The following DCC variants were observed in gnomAD, a reference collection of about 807,000 sequenced individuals.
The protein encoded by DCC is DCC netrin 1 receptor, also known as netrin receptor DCC.
A neutral mutation model predicts 172.5 loss-of-function variants in DCC; 58 were observed. That is an observed-to-expected ratio of 0.34 (90% CI 0.27 to 0.42). The LOEUF is 0.42. Among genes scored for constraint, DCC ranks in the 10% least tolerant of loss-of-function variants. The pLI is 1.00. For synonymous variants in DCC, 709 were observed against 644.5 expected, an observed-to-expected ratio of 1.10 and a Z score of -1.52; for missense variants, 1,740 against 1,791.0, an observed-to-expected ratio of 0.97 and a Z score of 0.51.
chr18:53,530,388 T>C (rs1403774477), intron 28 of DCC, 176 bp from the exon 29 acceptor site: 1 of 705,860 alleles, frequency 1.4e-6, no homozygotes, highest in Non-Finnish European at 2.6e-6. Context: ...TCTCTTATTA[T>C]CCCCTTTTAT....
At position 53,526,628 on chromosome 18, in the gene DCC, C is replaced by G; in HGVS notation, c.4123C>G (p.Pro1375Ala). Reference protein sequence around the residue: ...PLLSQPGPTLPKTHVKTASLG... With the variant: ...PLLSQPGPTLAKTHVKTASLG... ...GTTTTCTATTTCAGGGCCCACTCTT[C>G]CTAAGACCCATGTGAAAACAGCCTC... The change falls in exon 28 of 29, where the codon CCT becomes GCT. Residue 1375 changes from proline to alanine, a missense_variant. By Grantham distance (27) the Pro-to-Ala change is conservative. This residue lies in a region of DCC where 1,732 missense variants were observed against 1,767.4 expected (regional missense o/e 0.98). Transcript: ENST00000442544. 1 of 1,613,504 alleles carries G rather than the reference C, an allele frequency of 6.2e-7. No individual in the cohort carries two copies. Among genetic ancestry groups the G allele is most frequent in the African/African-American group, 1.3e-5 (1 of 75,000 alleles).
intron 1 of DCC, among the ~76,000 whole-genome samples, chr18:52,715,295 C>CTTTTTTTTTT (rs10658253): frequency 6.9e-6 from 1 of 144,784 alleles, no homozygotes; most frequent in Non-Finnish European, 1.5e-5. Context: ...TTTTTCTTTT[C>CTTTTTTTTTT]TTTTTTTTTT....
intron 1 of DCC, among the ~76,000 whole-genome samples, chr18:52,490,221 A>T (rs1334778783): frequency 6.6e-6 from 1 of 152,122 alleles, no homozygotes; most frequent in East Asian, 1.9e-4. Flanking sequence ...AGGAGCTTTT[A>T]ACAAGGTAGG....
chr18:52,687,598 A>T (rs1244436117), intron 1 of DCC, among the ~76,000 whole-genome samples: 1 of 152,040 alleles, frequency 6.6e-6, no homozygotes, highest in Admixed American at 6.6e-5. Context: ...ATACTTTTGC[A>T]AATAAATGTA....
chr18:52,943,249 T>A lies in DCC; in HGVS notation c.985+17879T>A, dbSNP rs554134805. Among the ~76,000 whole-genome samples, 5 of 152,354 alleles carry A rather than the reference T, an allele frequency of 3.3e-5. No homozygotes were observed. In the East Asian group the frequency reaches 7.7e-4, roughly 23 times the overall value. On this transcript the variant is annotated intron_variant, in intron 5 of 28. Coordinates refer to ENST00000442544, the MANE Select transcript of DCC (RefSeq NM_005215.4). ...ATAGAGAATTTAGAATGCCATTATTTCTGCTGCCTCTTTCTCCTTTGGATT... is the reference window on the plus strand; with the variant it reads ...ATAGAGAATTTAGAATGCCATTATTACTGCTGCCTCTTTCTCCTTTGGATT...
At chr18:53,287,880 C>G (rs1273721730) in intron 12 of DCC, among the ~76,000 whole-genome samples, 2 of 152,082 alleles carry the variant, frequency 1.3e-5, no homozygotes, top group Non-Finnish European at 2.9e-5. Flanking sequence ...CTGCCTCAAT[C>G]CATATTTTGA....
intron 27 of DCC, among the ~76,000 whole-genome samples, chr18:53,524,161 G>A (rs1483579021): frequency 6.6e-6 from 1 of 151,954 alleles, no homozygotes; most frequent in African/African-American, 2.4e-5. Flanking sequence ...ACATAAGTAT[G>A]TGAAGTAATA....
chr18:52,581,611 T>C (rs1198197828), intron 1 of DCC, among the ~76,000 whole-genome samples: 2 of 152,114 alleles, frequency 1.3e-5, no homozygotes, highest in Non-Finnish European at 2.9e-5. Flanking sequence ...TGTCACTTTT[T>C]CTTTTTTGCC....
At chr18:52,455,489 A>C (rs543807012) in intron 1 of DCC, among the ~76,000 whole-genome samples, 1 of 152,174 alleles carries the variant, frequency 6.6e-6, no homozygotes, top group Non-Finnish European at 1.5e-5. Context: ...ACCTGGAACA[A>C]TGGTTTCTGC....
intron 1 of DCC, among the ~76,000 whole-genome samples, chr18:52,392,235 G>A (rs1189123087): frequency 6.6e-6 from 1 of 152,060 alleles, no homozygotes; most frequent in African/African-American, 2.4e-5. Context: ...TTCTTGATGT[G>A]CAATTTAGTA....
rs141711887 is a variant in DCC at position 52,800,105 on chromosome 18, T to C, written c.412+47731T>C. Among the ~76,000 whole-genome samples, 184 of 152,338 alleles carry C rather than the reference T, an allele frequency of 1.2e-3. 1 individual carries two copies. Among genetic ancestry groups the C allele is most frequent in the African/African-American group, 4.2e-3 (176 of 41,588 alleles). ...TGATAAATAGTGATAGTATTCACTTTCTTGTGGTGTTCAGTGAATTAATGA... is the reference window on the plus strand; with the variant it reads ...TGATAAATAGTGATAGTATTCACTTCCTTGTGGTGTTCAGTGAATTAATGA... On this transcript the variant is annotated intron_variant, in intron 2 of 28. Coordinates refer to ENST00000442544, the MANE Select transcript of DCC (RefSeq NM_005215.4).
intron 5 of DCC, among the ~76,000 whole-genome samples, chr18:53,048,605 A>AT (rs1288455747): frequency 2.0e-5 from 3 of 151,044 alleles, no homozygotes; most frequent in Non-Finnish European, 4.4e-5. Context: ...ACATACATGT[A>AT]TAAAAAATGT....
At chr18:52,491,916 G>T (rs952252583) in intron 1 of DCC, among the ~76,000 whole-genome samples, 1 of 151,980 alleles carries the variant, frequency 6.6e-6, no homozygotes, top group Admixed American at 6.6e-5. Context: ...GCAGAGGAGT[G>T]GTCTTCTAGG....
intron 1 of DCC, among the ~76,000 whole-genome samples, chr18:52,677,003 C>G (rs1340413425): frequency 6.6e-6 from 1 of 152,062 alleles, no homozygotes; most frequent in Non-Finnish European, 1.5e-5. Flanking sequence ...CCTGTAGAAA[C>G]TTGAACATAA....
At chr18:52,822,795 T>C (rs968678868) in intron 2 of DCC, among the ~76,000 whole-genome samples, 2 of 152,234 alleles carry the variant, frequency 1.3e-5, no homozygotes, top group Non-Finnish European at 2.9e-5. Flanking sequence ...TTTCCTTAAG[T>C]TGTTTTCTTC....
intron 1 of DCC, among the ~76,000 whole-genome samples, chr18:52,404,022 A>G (rs1402698772): frequency 2.0e-5 from 3 of 152,082 alleles, no homozygotes; most frequent in East Asian, 1.9e-4. Context: ...CATTTTCTGG[A>G]AAAACAAAAG....
chr18:52,443,876 G>A (rs1347135348), intron 1 of DCC, among the ~76,000 whole-genome samples: 1 of 152,150 alleles, frequency 6.6e-6, no homozygotes, highest in Non-Finnish European at 1.5e-5. Context: ...GACAGAGACG[G>A]GAGAAAGAAG....
At position 53,056,874 on chromosome 18, in the gene DCC, A is replaced by G. The variant is rs576527481; in HGVS notation, c.986-6431A>G. Among the ~76,000 whole-genome samples the G allele has an allele frequency of 2.0e-5, 3 of 152,100 alleles. No individual in the cohort carries two copies. In the South Asian group the frequency reaches 6.2e-4, roughly 32 times the overall value. Reference sequence around the variant, plus strand: ...GAGTGGTTTGTGCTGCCTATTGTTAATTTAAACCAACTGCATGGTTTTAAA... The same window carrying G: ...GAGTGGTTTGTGCTGCCTATTGTTAGTTTAAACCAACTGCATGGTTTTAAA... On this transcript the variant is annotated intron_variant, in intron 5 of 28. Coordinates refer to ENST00000442544, the MANE Select transcript of DCC (RefSeq NM_005215.4).
chr18:53,063,760 T>C, intron 6 of DCC: 1 of 349,730 alleles, frequency 2.9e-6, no homozygotes, highest in Non-Finnish European at 5.3e-6. Context: ...GTTTCACTGC[T>C]GGTTTATCAA....
Sources: gnomAD v4.1 joint callset for allele counts (sites outside exome capture counted in the v4.1 genomes callset) on GRCh38, gnomAD v4.1.1 for gene constraint, gnomAD v4.1.1 regional missense constraint, MANE v1.5 for transcripts, NCBI Gene and HGNC (gene_info 2026-07-23, HGNC 2026-07-21) for gene names.